CHRD: variants seen among roughly 807,000 people sequenced by gnomAD.
CHRD encodes the protein chordin.
In CHRD, 69 loss-of-function variants were observed where a neutral mutation model predicts 113.7. The ratio of observed to expected loss-of-function variants is 0.61; its 90% CI spans 0.50 to 0.74. The LOEUF (loss-of-function observed/expected upper bound fraction) is 0.74, where lower values mean the gene tolerates loss of function less well. CHRD is among the 30% of genes least tolerant of loss of function. The pLI is 0.00. For missense variants in CHRD, 1,194 were observed against 1,295.8 expected (o/e 0.92, Z 1.21); for synonymous variants, 561 against 540.8 (o/e 1.04, Z -0.52).
rs368020993 is a variant in CHRD, at chr3:184,388,773, G to T, written c.2709+32G>T. The T allele has an allele frequency of 9.9e-6, 16 of 1,611,374 alleles. No individual in the cohort carries two copies. The highest frequency in any genetic ancestry group is 9.3e-5 in the African/African-American group (7 of 74,882). On this transcript the variant is annotated intron_variant, in intron 21 of 22. Transcript: ENST00000204604. This position sits in a 1 kb window ranked among gnomAD's most constrained non-coding sequence, Gnocchi z 6.1. ...GGGGAGCAGAGGCTTGTGTGAGGTG[G>T]GTACTGGGAGCCTGGTCTGGAGTAG...
rs1448684729 is a variant in CHRD at position 184,383,008 on chromosome 3, G to A, written c.1066-8G>A. ...GCTATTGCCCATCACACCCTGCTCT[G>A]TCCCCAGGAACCAGGCTTTGCTGAG... On this transcript the variant is annotated splice_region_variant and splice_polypyrimidine_tract_variant and intron_variant, in intron 9 of 22. Coordinates refer to ENST00000204604, the Ensembl canonical transcript of CHRD. 6 of 1,612,534 alleles carry A rather than the reference G, an allele frequency of 3.7e-6. No homozygotes were observed. In the East Asian group the frequency reaches 6.7e-5, roughly 18 times the overall value.
At position 184,383,871 on chromosome 3, in the gene CHRD, G is replaced by T. The variant is rs966296208; in HGVS notation, c.1440+229G>T. Among the ~76,000 whole-genome samples the T allele has an allele frequency of 2.0e-5, 3 of 150,786 alleles. No homozygotes were observed. In the Admixed American group the frequency reaches 2.0e-4, roughly 10 times the overall value. On this transcript the variant is annotated intron_variant, in intron 12 of 22. Coordinates refer to ENST00000204604, the Ensembl canonical transcript of CHRD. ...GGCTTACTGCAACCTCTGCCTCCTG[G>T]GTTCAAGCGATTCTCCTGCCTCAGC... is the stretch of plus-strand genomic sequence containing the variant.
In CHRD at chr3:184,387,492, T is replaced by C. The variant is rs1716515685; in HGVS notation, c.2451+15T>C. 1 of 1,591,110 alleles carries C rather than the reference T, an allele frequency of 6.3e-7. No individual in the cohort carries two copies. Among genetic ancestry groups the C allele is most frequent in the South Asian group, 1.2e-5 (1 of 86,526 alleles). On this transcript the variant is annotated intron_variant, in intron 19 of 22. Coordinates refer to ENST00000204604, the Ensembl canonical transcript of CHRD. This position sits in a 1 kb window ranked among gnomAD's most constrained non-coding sequence, Gnocchi z 6.1. ...GCACCTGCAAGGTATGGCCACCCAA[T>C]CTTCTCTGGTGCCATAACCCAGCGG... is the stretch of plus-strand genomic sequence containing the variant.
In CHRD at chr3:184,388,522, A is replaced by G. The variant is rs138862887; in HGVS notation, c.2555-65A>G. On this transcript the variant is annotated intron_variant, in intron 20 of 22. Transcript: ENST00000204604. This position sits in a 1 kb window ranked among gnomAD's most constrained non-coding sequence, Gnocchi z 6.1. ...GAAACTGCAACGTGCTGGGTATTCAAAGAGAATACTCATAAAACCTTGTTG... is the reference window on the plus strand; with the variant it reads ...GAAACTGCAACGTGCTGGGTATTCAGAGAGAATACTCATAAAACCTTGTTG... 4.6e-6 allele frequency: 7 copies of G among 1,528,172 alleles called. No individual in the cohort carries two copies. Among genetic ancestry groups the G allele is most frequent in the East Asian group, 2.3e-5 (1 of 44,220 alleles). 94.7% of individuals were successfully genotyped at this position (1,528,172 alleles called of 1,614,324 possible). A position where few individuals can be genotyped will look rare whatever the true frequency, so the allele number is the denominator to read the frequency against.
Position 184,387,016 on chromosome 3 carries a change from C to T in CHRD, c.2291-35C>T. 1 of 1,613,786 alleles carries T rather than the reference C, an allele frequency of 6.2e-7. No individual in the cohort carries two copies. The highest frequency in any genetic ancestry group is 8.5e-7 in the Non-Finnish European group (1 of 1,179,740). ...CCTTTGGGGAGGGAATGAGGGTGGT[C>T]ACTCTCTGCTTTCACCATTTCTTTG... On this transcript the variant is annotated intron_variant, in intron 17 of 22. Transcript: ENST00000204604. The surrounding 1 kb of genome is among the most constrained non-coding windows in gnomAD (Gnocchi z 6.1).
At chr3:184,386,417 G>A in intron 15 of CHRD, 75 bp from the exon 16 acceptor site, 1 of 1,515,918 alleles carries the variant, frequency 6.6e-7, no homozygotes, top group African/African-American at 1.4e-5. Flanking sequence ...GGTGTCTCCT[G>A]CTGGCTGGCC....
chr3:184,383,775 C>CTTT (rs58835715), intron 12 of CHRD, 133 bp downstream of exon 12: 1,776 of 424,656 alleles, frequency 4.2e-3, no homozygotes, highest in Non-Finnish European at 4.9e-3. Flanking sequence ...ATTCATTTGA[C>CTTT]TTTTTTTTTT....
chr3:184,383,119 G>C, exon 10 of CHRD: 1 of 1,611,168 alleles, frequency 6.2e-7, no homozygotes, highest in Non-Finnish European at 8.5e-7. Flanking sequence ...GGCAGGCCAG[G>C]GCTGCGCATC....
Position 184,381,801 on chromosome 3 carries a change from T to C in CHRD, c.597T>C (p.Ser199=). Residue 199 remains serine (S), a synonymous_variant, in exon 5 of 23, where the codon TCT becomes TCC. Coordinates refer to ENST00000204604, the Ensembl canonical transcript of CHRD. This position sits in a 1 kb window ranked among gnomAD's most constrained non-coding sequence, Gnocchi z 4.7. ...TGCTGCGCTCTAGCCTCCGCTTCTC[T>C]ATCTCCTACAGGCGGTGAGAAAGGG... The C allele has an allele frequency of 6.2e-7, 1 of 1,613,222 alleles. No homozygotes were observed. Among genetic ancestry groups the C allele is most frequent in the Non-Finnish European group, 8.5e-7 (1 of 1,179,864 alleles).
At position 184,387,831 on chromosome 3, in the gene CHRD, CCA is replaced by C. The variant is rs1469453016; in HGVS notation, c.2452-97_2452-96del. 6.4e-6 allele frequency: 7 copies of C among 1,101,484 alleles called. No homozygotes were observed. The Admixed American group carries it at 1.4e-4, about 22-fold the overall frequency. 68.2% of individuals were successfully genotyped at this position (1,101,484 alleles called of 1,614,324 possible). On this transcript the variant is annotated intron_variant, in intron 19 of 22. Transcript: ENST00000204604. This position sits in a 1 kb window ranked among gnomAD's most constrained non-coding sequence, Gnocchi z 6.1. The stretch of plus-strand genomic sequence containing the variant: ...CCAGTCCGGGCCTCTGAGTAAAAGG[CCA>C]CAGAGAGACTGCATTTGAGGTGTGG...
chr3:184,389,352 C>A lies in CHRD; in HGVS notation c.2813-15C>A, dbSNP rs1283591882. 6.2e-7 allele frequency: 1 copy of A among 1,612,780 alleles called. No homozygotes were observed. The highest frequency in any genetic ancestry group is 8.5e-7 in the Non-Finnish European group (1 of 1,179,292). The stretch of plus-strand genomic sequence containing the variant: ...CCTCTCCCCTCCTCCAACATTCCCT[C>A]CCTTCTGTCTCCAGCAGCCCCAGAG... On this transcript the variant is annotated splice_polypyrimidine_tract_variant and intron_variant, in intron 22 of 22. Transcript: ENST00000204604.
Position 184,388,751 on chromosome 3 carries a change from G to A in CHRD, c.2709+10G>A, listed in dbSNP as rs560206558. ...CACCTGCAGATGTGGGGTAAGTGGG[G>A]AGCAGAGGCTTGTGTGAGGTGGGTA... On this transcript the variant is annotated intron_variant, in intron 21 of 22. Transcript: ENST00000204604. This position sits in a 1 kb window ranked among gnomAD's most constrained non-coding sequence, Gnocchi z 6.1. The A allele has an allele frequency of 6.2e-7, 1 of 1,613,772 alleles. No homozygotes were observed. Among genetic ancestry groups the A allele is most frequent in the Admixed American group, 1.7e-5 (1 of 60,012 alleles).
At chr3:184,382,451 G>T (rs1358716411) in exon 7 of CHRD, 2 of 1,613,994 alleles carry the variant, frequency 1.2e-6, no homozygotes, top group African/African-American at 1.3e-5. Flanking sequence ...CAGAACAGCT[G>T]CATGTGGCAC....
chr3:184,387,398 G>A lies in CHRD; in HGVS notation c.2372G>A (p.Ser791Asn). 6.2e-7 allele frequency: 1 copy of A among 1,612,802 alleles called. No homozygotes were observed. Among genetic ancestry groups the A allele is most frequent in the South Asian group, 1.1e-5 (1 of 90,878 alleles). Residue 791 changes from serine (S) to asparagine (N), a missense_variant, in exon 19 of 23, where the codon AGC (serine) becomes AAC (asparagine). Transcript: ENST00000204604. This position sits in a 1 kb window ranked among gnomAD's most constrained non-coding sequence, Gnocchi z 6.1. ...GGCTGCTATTTTGATGGTGACCGGA[G>A]CTGGCGGGCAGCGGGTACGCGGTGG...
At position 184,388,020 on chromosome 3, in the gene CHRD, C is replaced by T. The variant is rs1560313474; in HGVS notation, c.2541C>T (p.Cys847=). 1 of 1,613,472 alleles carries T rather than the reference C, an allele frequency of 6.2e-7. No individual in the cohort carries two copies. Among genetic ancestry groups the T allele is most frequent in the Non-Finnish European group, 8.5e-7 (1 of 1,179,830 alleles). Residue 847 remains cysteine, a synonymous_variant, in exon 20 of 23, where the codon TGC becomes TGT. Coordinates refer to ENST00000204604, the Ensembl canonical transcript of CHRD. The surrounding 1 kb of genome is among the most constrained non-coding windows in gnomAD (Gnocchi z 6.1). ...TGCGTGTCAACCCCACCGACTGCTG[C>T]AAACAGTGTCCAGGTGAGAGAGGTG... is the stretch of plus-strand genomic sequence containing the variant.
Position 184,382,550 on chromosome 3 carries a change from G to C in CHRD, c.841+20G>C. 6.2e-7 allele frequency: 1 copy of C among 1,613,130 alleles called. No homozygotes were observed. Among genetic ancestry groups the C allele is most frequent in the Non-Finnish European group, 8.5e-7 (1 of 1,179,706 alleles). On this transcript the variant is annotated intron_variant, in intron 7 of 22. Transcript: ENST00000204604. ...CTGCAGGTAGGGAGCAAAGAGCCCCGGGCGTGAAGTTCTGAGTCTTCTCTA... is the reference window on the plus strand; with the variant it reads ...CTGCAGGTAGGGAGCAAAGAGCCCCCGGCGTGAAGTTCTGAGTCTTCTCTA...
At position 184,381,502 on chromosome 3, in the gene CHRD, G is replaced by T; in HGVS notation, c.389G>T (p.Ser130Ile). ...CTTACCCCCCCGCCCGCAGAGCGCA[G>T]CAGTTCGGAGCGGCAGCCGAGCGGC... Residue 130 changes from serine to isoleucine, a missense_variant, in exon 4 of 23, where the codon AGC (serine) becomes ATC (isoleucine). By Grantham distance (142) the Ser-to-Ile change is moderately radical. Coordinates refer to ENST00000204604, the Ensembl canonical transcript of CHRD. The surrounding 1 kb of genome is among the most constrained non-coding windows in gnomAD (Gnocchi z 4.7). 2 of 1,596,820 alleles carry T rather than the reference G, an allele frequency of 1.3e-6. No individual in the cohort carries two copies.
Position 184,387,899 on chromosome 3 carries a change from C to T in CHRD, c.2452-32C>T, listed in dbSNP as rs1716576725. ...GGGCAGGAGGCTTATGTGCCCCCTG[C>T]CTGACACTCCTTGCTCAATGGATCC... On this transcript the variant is annotated intron_variant, in intron 19 of 22. Coordinates refer to ENST00000204604, the Ensembl canonical transcript of CHRD. This position sits in a 1 kb window ranked among gnomAD's most constrained non-coding sequence, Gnocchi z 6.1. The T allele has an allele frequency of 6.3e-7, 1 of 1,580,160 alleles. No individual in the cohort carries two copies. The highest frequency in any genetic ancestry group is 1.3e-5 in the African/African-American group (1 of 74,642).
chr3:184,380,354 G>A lies in CHRD; in HGVS notation c.36G>A (p.Leu12=). Reference sequence around the variant, plus strand: ...TCCCGGCCCCGCCGGCCCCGCTGCTGCTCCTCGGGCTGCTGCTGCTCGGCT... The same window carrying A: ...TCCCGGCCCCGCCGGCCCCGCTGCTACTCCTCGGGCTGCTGCTGCTCGGCT... Residue 12 remains leucine (L), a synonymous_variant, in exon 1 of 23, where the codon CTG becomes CTA. Coordinates refer to ENST00000204604, the Ensembl canonical transcript of CHRD. This position sits in a 1 kb window ranked among gnomAD's most constrained non-coding sequence, Gnocchi z 6.3. 1 of 1,352,674 alleles carries A rather than the reference G, an allele frequency of 7.4e-7. No homozygotes were observed. The highest frequency in any genetic ancestry group is 9.6e-7 in the Non-Finnish European group (1 of 1,042,042). The allele number at this position is 1,352,674 out of a possible 1,614,324, so 83.8% of individuals were successfully genotyped here.
Sources: gnomAD v4.1 joint callset for allele counts (sites outside exome capture counted in the v4.1 genomes callset) on GRCh38, gnomAD v4.1.1 for gene constraint, Gnocchi (gnomAD v3.1) non-coding constraint, MANE v1.5 for transcripts, NCBI Gene and HGNC (gene_info 2026-07-23, HGNC 2026-07-21) for gene names.